Variants in CNGB3 observed in about 807,000 individuals in gnomAD.
The protein encoded by CNGB3 is cyclic nucleotide-gated channel beta-3.
A neutral mutation model predicts 92.8 loss-of-function variants in CNGB3; 86 were observed. That is an observed-to-expected ratio of 0.93 (90% CI 0.78 to 1.11). The LOEUF is 1.11. Among genes scored for constraint, CNGB3 ranks in the 50% least tolerant of loss-of-function variants. The pLI, the probability that CNGB3 is intolerant of heterozygous loss-of-function variation, is 0.00. For synonymous variants in CNGB3, 333 were observed against 332.7 expected (o/e 1.00, Z -0.01); for missense variants, 1,026 against 956.8 (o/e 1.07, Z -0.95).
At chr8:86,623,007 G>C (rs1175336647) in intron 13 of CNGB3, among the ~76,000 whole-genome samples, 3 of 152,110 alleles carry the variant, frequency 2.0e-5, no homozygotes, top group Non-Finnish European at 2.9e-5. Context: ...TGCTGGGAGT[G>C]ACTATGCCTA....
chr8:86,581,803 T>C (rs1223454970), intron 15 of CNGB3, among the ~76,000 whole-genome samples: 2 of 151,964 alleles, frequency 1.3e-5, no homozygotes, highest in South Asian at 2.1e-4. Context: ...ATGCAAACCC[T>C]CTCTGAGAAG....
chr8:86,708,584 T>C (rs1586029270), intron 3 of CNGB3, among the ~76,000 whole-genome samples: 1 of 118,462 alleles, frequency 8.4e-6, no homozygotes, highest in Non-Finnish European at 1.7e-5. Flanking sequence ...TTTTTTTTTT[T>C]TGAGTCAGGG....
intron 9 of CNGB3, 26 bp downstream of exon 9, chr8:86,644,596 C>T: frequency 6.3e-7 from 1 of 1,598,428 alleles, no homozygotes; most frequent in Non-Finnish European, 8.6e-7. Flanking sequence ...TTCCCCTTCC[C>T]CCAAGTATAC....
chr8:86,634,582 T>C (rs1008892540), intron 10 of CNGB3, among the ~76,000 whole-genome samples: 17 of 152,072 alleles, frequency 1.1e-4, no homozygotes, highest in African/African-American at 4.1e-4. Context: ...CCTTTAAAAA[T>C]GTCATTTATA....
intron 13 of CNGB3, among the ~76,000 whole-genome samples, chr8:86,615,756 A>G: frequency 6.6e-6 from 1 of 152,240 alleles, no homozygotes; most frequent in Non-Finnish European, 1.5e-5. Flanking sequence ...CACTACTACC[A>G]GTTTATGTTT....
chr8:86,680,446 G>A (rs1824060885), intron 3 of CNGB3, among the ~76,000 whole-genome samples: 1 of 152,166 alleles, frequency 6.6e-6, no homozygotes, highest in African/African-American at 2.4e-5. Flanking sequence ...TTTACCCTTG[G>A]AGGAAGTGAA....
chr8:86,593,626 G>C, intron 15 of CNGB3: 1 of 470,676 alleles, frequency 2.1e-6, no homozygotes, highest in Non-Finnish European at 3.9e-6. Flanking sequence ...GGCTATAAGG[G>C]GCGAGTGGGG....
intron 17 of CNGB3, 141 bp downstream of exon 17, chr8:86,578,548 A>G (rs1348328966): frequency 1.2e-6 from 1 of 809,312 alleles, no homozygotes; most frequent in Non-Finnish European, 2.1e-6. Flanking sequence ...ATAATGTGCT[A>G]TATATAAAGC....
intron 3 of CNGB3, among the ~76,000 whole-genome samples, chr8:86,675,511 G>T (rs1823949178): frequency 6.6e-6 from 1 of 152,130 alleles, no homozygotes; most frequent in African/African-American, 2.4e-5. Context: ...AAACTCCTGA[G>T]CTCAAGCAAT....
chr8:86,630,041 A>G (rs1480092217), intron 11 of CNGB3, among the ~76,000 whole-genome samples: 5 of 152,158 alleles, frequency 3.3e-5, no homozygotes. Flanking sequence ...TCTAGCTCAA[A>G]TGGCTCTTTT....
Position 86,607,409 on chromosome 8 carries a change from C to G in CNGB3, c.1663-3198G>C, listed in dbSNP as rs979689046. 2.6e-5 allele frequency among the ~76,000 whole-genome samples: 4 copies of G among 152,052 alleles called. No homozygotes were observed. The East Asian group carries it at 7.7e-4, about 29-fold the overall frequency. ...AAGAGCTTCATGTAGAGTGAGGTAA[C>G]CCCTGGAGATAGCGCCCTTCAAAAT... On this transcript the variant is annotated intron_variant, in intron 14 of 17. Transcript: ENST00000320005.
Position 86,668,114 on chromosome 8 carries a change from T to A in CNGB3, c.548A>T (p.His183Leu). ...VKESDDKPTE[H>L]YYRLLWFKVK... ...TTTGAACCACAACAGCCTGTAGTAA[T>A]GTTCTGTTGGCTTATCATCGCTTTC... The change falls in exon 5 of 18, where the codon CAT becomes CTT. Residue 183 changes from histidine (H) to leucine (L), a missense_variant. Physicochemically the swap from His to Leu is moderately conservative, Grantham distance 99 (BLOSUM62 -3). Coordinates refer to ENST00000320005, the MANE Select transcript of CNGB3 (RefSeq NM_019098.5). The A allele has an allele frequency of 6.2e-7, 1 of 1,614,022 alleles. No individual in the cohort carries two copies. The highest frequency in any genetic ancestry group is 1.1e-5 in the South Asian group (1 of 91,068).
At chr8:86,622,963 A>G (rs1822770260) in intron 13 of CNGB3, among the ~76,000 whole-genome samples, 1 of 152,156 alleles carries the variant, frequency 6.6e-6, no homozygotes, top group Admixed American at 6.5e-5. Context: ...ATACTGACCT[A>G]ACTCTAATAA....
chr8:86,669,324 CAAAAT>C (rs1232075147), intron 4 of CNGB3, among the ~76,000 whole-genome samples: 1 of 151,642 alleles, frequency 6.6e-6, no homozygotes, highest in Non-Finnish European at 1.5e-5. Flanking sequence ...ACAATAAAAA[CAAAAT>C]AAAATAGTAA....
In CNGB3 at chr8:86,622,485, C is replaced by A. The variant is rs143437559; in HGVS notation, c.1578+3498G>T. On this transcript the variant is annotated intron_variant, in intron 13 of 17. Transcript: ENST00000320005. ...ATAAATGTATACACTTATGTACCTT[C>A]CCCGGCAAGACAAAAAACATTTCCA... is the stretch of plus-strand genomic sequence containing the variant. Among the ~76,000 whole-genome samples, 1,348 of 151,712 alleles carry A rather than the reference C, an allele frequency of 8.9e-3. 22 individuals are homozygous for A. The highest frequency in any genetic ancestry group is 0.031 in the African/African-American group (1,294 of 41,340).
At chr8:86,690,186 G>A (rs199629387) in intron 3 of CNGB3, among the ~76,000 whole-genome samples, 11 of 152,076 alleles carry the variant, frequency 7.2e-5, no homozygotes, top group East Asian at 1.9e-4. Context: ...CCAACAGTGT[G>A]AAAGTGTTCC....
intron 2 of CNGB3, among the ~76,000 whole-genome samples, chr8:86,735,068 TTTG>T (rs1825224303): frequency 1.5e-5 from 2 of 131,010 alleles, no homozygotes; most frequent in Admixed American, 8.1e-5. Context: ...TTTTTTTTTT[TTTG>T]TATGGTATAC....
chr8:86,659,762 A>G (rs911572291), intron 6 of CNGB3: 24 of 371,934 alleles, frequency 6.5e-5, no homozygotes, highest in Admixed American at 1.1e-4. Flanking sequence ...TGAACCTGTA[A>G]CCACTCCCTT....
intron 7 of CNGB3, among the ~76,000 whole-genome samples, chr8:86,648,730 G>T (rs1327182372): frequency 6.6e-6 from 1 of 150,946 alleles, no homozygotes; most frequent in East Asian, 1.9e-4. Context: ...GACATTTTAA[G>T]ACAATTAAGA....
Sources: allele counts gnomAD v4.1 joint callset (sites outside exome capture counted in the v4.1 genomes callset), GRCh38; gene constraint gnomAD v4.1.1; transcripts MANE v1.5; gene names NCBI Gene and HGNC (gene_info 2026-07-23, HGNC 2026-07-21).